The following TJP2 variants were observed in gnomAD, a reference collection of about 807,000 sequenced individuals.
The protein encoded by TJP2 is Friedreich ataxia region gene X104 (tight junction protein ZO-2).
A neutral mutation model predicts 133.1 loss-of-function variants in TJP2; 91 were observed. The ratio of observed to expected loss-of-function variants is 0.68; its 90% CI spans 0.58 to 0.81. The LOEUF is 0.81. Among genes scored for constraint, TJP2 ranks in the 40% least tolerant of loss-of-function variants. The probability of loss-of-function intolerance (pLI) is 0.00; values close to 1 mark genes in which losing one functional copy is unlikely to be tolerated. For synonymous variants in TJP2, 592 were observed against 583.4 expected (o/e 1.01, Z -0.21); for missense variants, 1,541 against 1,565.6 (o/e 0.98, Z 0.26).
rs539919973 is a variant in TJP2, at chr9:69,234,502, C to T, written c.1735C>T (p.Pro579Ser). 18 of 1,585,144 alleles carry T rather than the reference C, an allele frequency of 1.1e-5. No homozygotes were observed. In the African/African-American group the frequency reaches 2.0e-4, roughly 17 times the overall value. The change falls in exon 12 of 23, where the codon CCT (proline) becomes TCT (serine). Residue 579 changes from proline (P) to serine (S), a missense_variant. Transcript: ENST00000377245. Reference protein sequence around the residue: ...EDAVLYLLEIPKGEMVTILAQ... With the variant: ...EDAVLYLLEISKGEMVTILAQ... The stretch of plus-strand genomic sequence containing the variant: ...TGCCGTTCTCTACCTGTTAGAAATC[C>T]CTAAAGGTGAAATGGTGACCATTTT...
chr9:69,160,318 GA>G (rs1274727226), intron 2 of TJP2, among the ~76,000 whole-genome samples: 2 of 152,210 alleles, frequency 1.3e-5, no homozygotes, highest in Non-Finnish European at 2.9e-5. Context: ...TTGGAGGTAG[GA>G]AAAGCTGAAA....
chr9:69,160,811 T>C (rs929166420), intron 2 of TJP2, among the ~76,000 whole-genome samples: 13 of 152,200 alleles, frequency 8.5e-5, no homozygotes, highest in Non-Finnish European at 1.6e-4. Flanking sequence ...AGAGAGCTTG[T>C]GCAGGGAAAC....
chr9:69,186,728 A>G (rs1047968697), intron 1 of TJP2, among the ~76,000 whole-genome samples: 1 of 152,202 alleles, frequency 6.6e-6, no homozygotes, highest in Non-Finnish European at 1.5e-5. Flanking sequence ...ATCTATAAAT[A>G]TTTCAGCTAG....
chr9:69,175,259 C>T (rs2132944033), intron 1 of TJP2, among the ~76,000 whole-genome samples: 1 of 152,290 alleles, frequency 6.6e-6, no homozygotes, highest in Non-Finnish European at 1.5e-5. Flanking sequence ...TGTGGTTTCC[C>T]TGAAGTTCCC....
chr9:69,216,318 T>C, intron 2 of TJP2, 21 bp from the exon 3 acceptor site: 3 of 1,614,082 alleles, frequency 1.9e-6, no homozygotes, highest in South Asian at 1.1e-5. Flanking sequence ...ATTTTTAATA[T>C]TTCTCCTCTC....
At position 69,237,997 on chromosome 9, in the gene TJP2, T is replaced by TC. The variant is rs774120692; in HGVS notation, c.2275+29dup. 1.3e-5 allele frequency: 21 copies of TC among 1,574,164 alleles called. No homozygotes were observed. In the Admixed American group the frequency reaches 3.5e-4, roughly 26 times the overall value. ...TAGTAAGTCTGTCAGTGTTTTTTTT[T>TC]CCCCCAAATTTTTATTTTGAAAAAT... On this transcript the variant is annotated intron_variant, in intron 15 of 22. Coordinates refer to ENST00000377245, the MANE Select transcript of TJP2 (RefSeq NM_004817.4).
intron 1 of TJP2, among the ~76,000 whole-genome samples, chr9:69,143,026 G>C (rs890262589): frequency 1.3e-5 from 2 of 152,128 alleles, no homozygotes; most frequent in Non-Finnish European, 2.9e-5. Flanking sequence ...ATAATTATGA[G>C]AGATTCCACA....
In TJP2 at chr9:69,205,436, A is replaced by T. The variant is rs147938758; in HGVS notation, c.61-7112A>T. 212 of 1,096,874 alleles carry T rather than the reference A, an allele frequency of 1.9e-4. No individual in the cohort carries two copies. The African/African-American group carries it at 2.9e-3, about 15-fold the overall frequency. The allele number at this position is 1,096,874 out of a possible 1,614,324, so 67.9% of individuals were successfully genotyped here. A position where few individuals can be genotyped will look rare whatever the true frequency, so the allele number is the denominator to read the frequency against. ...TACTTGTATTAATTTTAGCAGATCTATGTGAAACTGATAGCCTCTTACTGG... is the reference window on the plus strand; with the variant it reads ...TACTTGTATTAATTTTAGCAGATCTTTGTGAAACTGATAGCCTCTTACTGG... On this transcript the variant is annotated intron_variant, in intron 1 of 22. Transcript: ENST00000377245.
chr9:69,186,771 G>GT (rs1474688352), intron 1 of TJP2, among the ~76,000 whole-genome samples: 1 of 152,186 alleles, frequency 6.6e-6, no homozygotes, highest in Non-Finnish European at 1.5e-5. Context: ...GACCCGTGGT[G>GT]TTGCTTCGTG....
At chr9:69,174,917 T>G (rs921836938) in intron 1 of TJP2, among the ~76,000 whole-genome samples, 9 of 151,838 alleles carry the variant, frequency 5.9e-5, no homozygotes, top group Admixed American at 2.0e-4. Context: ...TTGTTTTTTT[T>G]TTTTTTTTTT....
At chr9:69,136,628 A>G (rs985920769) in intron 1 of TJP2, among the ~76,000 whole-genome samples, 2 of 152,192 alleles carry the variant, frequency 1.3e-5, no homozygotes, top group East Asian at 1.9e-4. Context: ...GTGTTTCTGG[A>G]TCTTGACTAC....
chr9:69,234,539 G>T lies in TJP2; in HGVS notation c.1772G>T (p.Arg591Leu). Reference sequence around the variant, plus strand: ...ATGGTGACCATTTTAGCTCAGAGCCGAGCCGATGGTGAGCAAATTTGGTCA... The same window carrying T: ...ATGGTGACCATTTTAGCTCAGAGCCTAGCCGATGGTGAGCAAATTTGGTCA... Reference protein sequence around the residue: ...GEMVTILAQSRADVYRDILAC... With the variant: ...GEMVTILAQSLADVYRDILAC... Residue 591 changes from arginine (R) to leucine (L), a missense_variant, in exon 12 of 23, where the codon CGA becomes CTA. Arg to Leu is a moderately radical substitution (Grantham distance 102). Coordinates refer to ENST00000377245, the MANE Select transcript of TJP2 (RefSeq NM_004817.4). 1.3e-6 allele frequency: 2 copies of T among 1,558,500 alleles called. No individual in the cohort carries two copies. Among genetic ancestry groups the T allele is most frequent in the Non-Finnish European group, 1.7e-6 (2 of 1,147,800 alleles).
rs544561288 is a variant in TJP2, at chr9:69,203,139, C to A, written c.61-9409C>A. The stretch of plus-strand genomic sequence containing the variant: ...GAAGGAGTGGGCTGGCCTGAACCCT[C>A]CCCGAGTTGCCTGGGTTCTCAGGCT... On this transcript the variant is annotated intron_variant, in intron 1 of 22. Transcript: ENST00000377245. 2.2e-4 allele frequency among the ~76,000 whole-genome samples: 33 copies of A among 152,098 alleles called. 2 individuals are homozygous for A. In the South Asian group the frequency reaches 6.5e-3, roughly 30 times the overall value.
chr9:69,141,390 T>C lies in TJP2; in HGVS notation c.-130-10261T>C, dbSNP rs993832447. Among the ~76,000 whole-genome samples, 12 of 151,762 alleles carry C rather than the reference T, an allele frequency of 7.9e-5. 1 individual carries two copies. The highest frequency in any genetic ancestry group is 6.6e-4 in the Admixed American group (10 of 15,194). On this transcript the variant is annotated intron_variant, in intron 1 of 5. Transcript: ENST00000423935. ...CCGAGCAGGACCCAGGAGCCTACTT[T>C]CCTTTCTTTGTGGTGTTTTCCACCG...
intron 2 of TJP2, among the ~76,000 whole-genome samples, chr9:69,213,055 A>AT (rs551659577): frequency 0.04 from 3,086 of 76,480 alleles, 131 homozygotes; most frequent in Middle Eastern, 0.06. Context: ...GTGGTTCTGC[A>AT]TTTTTTTTTT....
At position 69,189,633 on chromosome 9, in the gene TJP2, C is replaced by CTT. The variant is rs57985835; in HGVS notation, c.60+15215_60+15216dup. On this transcript the variant is annotated intron_variant, in intron 1 of 22. Coordinates refer to ENST00000377245, the MANE Select transcript of TJP2 (RefSeq NM_004817.4). Reference sequence around the variant, plus strand: ...CCTGAGCACCACAGTGGAGACTCCACTTTTTTTTTTTTTTTAAGTTTAAAA... The same window carrying CTT: ...CCTGAGCACCACAGTGGAGACTCCACTTTTTTTTTTTTTTTTTAAGTTTAAAA... Among the ~76,000 whole-genome samples the CTT allele has an allele frequency of 5.1e-3, 312 of 61,124 alleles. 50 individuals are homozygous for CTT. Among genetic ancestry groups the CTT allele is most frequent in the African/African-American group, 0.011 (177 of 16,602 alleles). 40.1% of individuals were successfully genotyped at this position (61,124 alleles called of 152,430 possible).
intron 12 of TJP2, among the ~76,000 whole-genome samples, chr9:69,235,502 T>G (rs1481723801): frequency 6.6e-6 from 1 of 152,054 alleles, no homozygotes; most frequent in South Asian, 2.1e-4. Flanking sequence ...TTTTGTATTT[T>G]TAGTAGAGAC....
intron 1 of TJP2, among the ~76,000 whole-genome samples, chr9:69,196,405 C>T (rs946197956): frequency 7.9e-5 from 12 of 152,234 alleles, no homozygotes; most frequent in African/African-American, 2.6e-4. Flanking sequence ...CCAGGCATTA[C>T]CTTGATTTCT....
chr9:69,239,751 T>C (rs1438753270), intron 16 of TJP2, among the ~76,000 whole-genome samples, 186 bp from the exon 17 acceptor site: 1 of 152,016 alleles, frequency 6.6e-6, no homozygotes, highest in African/African-American at 2.4e-5. Context: ...GAGGCGGAGG[T>C]CGCAGTGAGC....
Sources: gnomAD v4.1 joint callset for allele counts (sites outside exome capture counted in the v4.1 genomes callset) on GRCh38, gnomAD v4.1.1 for gene constraint, MANE v1.5 for transcripts, NCBI Gene and HGNC (gene_info 2026-07-23, HGNC 2026-07-21) for gene names.